The following CLGN variants were observed in gnomAD, a reference collection of about 807,000 sequenced individuals.
The protein encoded by CLGN is testis tissue sperm-binding protein Li 79P.
In CLGN, 62 loss-of-function variants were observed where a neutral mutation model predicts 79.1. The ratio of observed to expected loss-of-function variants is 0.78; its 90% CI spans 0.64 to 0.97. The LOEUF (loss-of-function observed/expected upper bound fraction) is 0.97. Ranked by LOEUF, CLGN falls within the 50% of genes least tolerant of loss-of-function variation. The pLI is 0.00. For synonymous variants in CLGN, 225 were observed against 224.7 expected (o/e 1.00, Z -0.01); for missense variants, 647 against 715.5 (o/e 0.90, Z 1.09).
chr4:140,391,218 T>C (rs1728765366), intron 13 of CLGN, among the ~76,000 whole-genome samples: 1 of 151,766 alleles, frequency 6.6e-6, no homozygotes, highest in Non-Finnish European at 1.5e-5. Flanking sequence ...TAAAAACTCC[T>C]ACCCTACCAA....
chr4:140,402,200 A>G, intron 5 of CLGN, 134 bp from the exon 6 acceptor site: 1 of 490,580 alleles, frequency 2.0e-6, no homozygotes. Flanking sequence ...TATAAAGCAT[A>G]TCTACAACCT....
chr4:140,394,934 C>A (rs1413613511), intron 10 of CLGN, among the ~76,000 whole-genome samples: 2 of 152,046 alleles, frequency 1.3e-5, no homozygotes, highest in Non-Finnish European at 2.9e-5. Flanking sequence ...GTAACCTGAG[C>A]ACTTTGGGAG....
chr4:140,410,615 CT>C lies in CLGN; in HGVS notation c.155del (p.Lys52ArgfsTer6). ...ATACTTCTCCTATAGGTTGAGGTGT[CT>C]TATATTTAATCTAGAAAAGAGATTT... ...ESELSSEIKY[K>X]TPQPIGEVYF... On this transcript the variant is annotated frameshift_variant, in exon 3 of 15. Transcript: ENST00000325617. LOFTEE classifies it high-confidence loss of function. The C allele has an allele frequency of 6.3e-7, 1 of 1,581,734 alleles. No individual in the cohort carries two copies.
intron 1 of CLGN, among the ~76,000 whole-genome samples, chr4:140,420,415 C>A (rs1020697284): frequency 6.6e-6 from 1 of 152,120 alleles, no homozygotes; most frequent in Non-Finnish European, 1.5e-5. Flanking sequence ...CTAATTTAAT[C>A]TTTACAGCCC....
intron 1 of CLGN, among the ~76,000 whole-genome samples, chr4:140,413,978 C>T: frequency 6.6e-6 from 1 of 152,220 alleles, no homozygotes; most frequent in Non-Finnish European, 1.5e-5. Flanking sequence ...TTGAAGAGAG[C>T]AGTGGTTCTC....
chr4:140,425,450 G>C (rs867059322), intron 1 of CLGN, among the ~76,000 whole-genome samples: 96 of 151,150 alleles, frequency 6.4e-4, no homozygotes, highest in Non-Finnish European at 9.5e-4. Flanking sequence ...GTGTGTGTGT[G>C]TGTGTGTGTG....
rs534613905 is a variant in CLGN, at chr4:140,427,351, G to T, written c.-10+186C>A. ...CACGGGGCCGCCAGAGCCCAGTCAA[G>T]ACCCTAGCTCGCTGCAGCCCCATCG... On this transcript the variant is annotated intron_variant, in intron 1 of 14. Coordinates refer to ENST00000325617, the MANE Select transcript of CLGN (RefSeq NM_004362.3). Among the ~76,000 whole-genome samples, 478 of 152,342 alleles carry T rather than the reference G, an allele frequency of 3.1e-3. 5 individuals carry two copies. The highest frequency in any genetic ancestry group is 0.011 in the African/African-American group (451 of 41,582).
chr4:140,426,724 G>A (rs1215887845), intron 1 of CLGN: 1 of 152,260 alleles, frequency 6.6e-6, no homozygotes, highest in Non-Finnish European at 1.5e-5. Context: ...CCAGTCCTGA[G>A]CTTTGGTTGC....
chr4:140,413,502 C>A (rs1016666472), intron 1 of CLGN, among the ~76,000 whole-genome samples: 8 of 152,166 alleles, frequency 5.3e-5, no homozygotes, highest in Admixed American at 3.9e-4. Context: ...GGTGCGTGCA[C>A]CGTGCGTGAG....
At chr4:140,389,398 G>A (rs947559910) in intron 14 of CLGN, 94 bp from the exon 15 acceptor site, 16 of 882,060 alleles carry the variant, frequency 1.8e-5, no homozygotes, top group Admixed American at 4.0e-5. Flanking sequence ...TAAAATATAT[G>A]TGCTATCAAT....
intron 11 of CLGN, among the ~76,000 whole-genome samples, chr4:140,393,351 T>C (rs1728811454): frequency 6.6e-6 from 1 of 152,108 alleles, no homozygotes; most frequent in Non-Finnish European, 1.5e-5. Flanking sequence ...TAAGATGCAT[T>C]GTGTTGAAAT....
chr4:140,402,488 C>G (rs1416257942), intron 5 of CLGN, among the ~76,000 whole-genome samples: 1 of 151,960 alleles, frequency 6.6e-6, no homozygotes, highest in East Asian at 1.9e-4. Flanking sequence ...TACGAAATTG[C>G]TAATGATCTT....
chr4:140,415,128 T>G (rs1729300476), intron 1 of CLGN, among the ~76,000 whole-genome samples: 1 of 152,092 alleles, frequency 6.6e-6, no homozygotes, highest in East Asian at 1.9e-4. Flanking sequence ...AGAAATAAAA[T>G]CCTTTACAGA....
intron 1 of CLGN, among the ~76,000 whole-genome samples, chr4:140,423,992 CTT>C (rs767206540): frequency 3.3e-5 from 5 of 152,078 alleles, no homozygotes; most frequent in African/African-American, 9.6e-5. Context: ...TGTTTTCTCT[CTT>C]GTTTTTCTAT....
chr4:140,395,809 CG>C lies in CLGN; in HGVS notation c.1149+9del, dbSNP rs760690958. On this transcript the variant is annotated intron_variant, in intron 10 of 14. Transcript: ENST00000325617. ...AACTTCACTAAATAATTGGAACAAG[CG>C]GTTGTTACCTGATAGTTAGGATTAT... The C allele has an allele frequency of 2.1e-6, 3 of 1,408,210 alleles. No homozygotes were observed. The East Asian group carries it at 7.5e-5, about 35-fold the overall frequency. The allele number at this position is 1,408,210 out of a possible 1,614,324, so 87.2% of individuals were successfully genotyped here.
At chr4:140,427,484 T>C (rs1729593146) in intron 1 of CLGN, 53 bp downstream of exon 1, 1 of 152,340 alleles carries the variant, frequency 6.6e-6, no homozygotes. Flanking sequence ...CTCACCCCAA[T>C]CTGCGCGCAA....
At chr4:140,417,907 C>G (rs896240360) in intron 1 of CLGN, among the ~76,000 whole-genome samples, 5 of 151,814 alleles carry the variant, frequency 3.3e-5, no homozygotes, top group African/African-American at 1.2e-4. Flanking sequence ...AATCCTAAGC[C>G]AAAAGAATAA....
chr4:140,393,213 T>A (rs557289939), intron 11 of CLGN, among the ~76,000 whole-genome samples: 20 of 152,068 alleles, frequency 1.3e-4, no homozygotes, highest in Middle Eastern at 3.2e-3. Context: ...AATGTTTTAG[T>A]TACAAGAGGT....
intron 1 of CLGN, among the ~76,000 whole-genome samples, chr4:140,421,470 G>GT (rs1729468217): frequency 6.6e-6 from 1 of 151,776 alleles, no homozygotes; most frequent in Non-Finnish European, 1.5e-5. Context: ...TCAAAATTAT[G>GT]TTTTTTTAAA....
Sources: allele counts gnomAD v4.1 joint callset (sites outside exome capture counted in the v4.1 genomes callset), GRCh38; gene constraint gnomAD v4.1.1; transcripts MANE v1.5; gene names NCBI Gene and HGNC (gene_info 2026-07-23, HGNC 2026-07-21).